Variants in MTAP observed in about 807,000 individuals in gnomAD.
MTAP encodes the protein methylthioadenosine phosphorylase.
Under a neutral mutation model 33.6 loss-of-function variants are expected in MTAP, and 33 were observed. That is an observed-to-expected ratio of 0.98 (90% CI 0.74 to 1.31). MTAP has a LOEUF of 1.31. Ranked by LOEUF, MTAP falls within the 40% of genes most tolerant of loss-of-function variation. The probability of loss-of-function intolerance (pLI) is 0.00; values close to 1 mark genes in which losing one functional copy is unlikely to be tolerated. For missense variants in MTAP, 367 were observed against 360.0 expected (o/e 1.02, Z -0.16); for synonymous variants, 148 against 125.7 (o/e 1.18, Z -1.19).
chr9:21,809,773 C>T (rs977970604), intron 1 of MTAP, among the ~76,000 whole-genome samples: 1 of 152,200 alleles, frequency 6.6e-6, no homozygotes, highest in African/African-American at 2.4e-5. Context: ...TCCCTGAGGC[C>T]TGGGCTTTGG....
rs541445471 is a variant in MTAP at position 21,845,270 on chromosome 9, A to G, written c.450+7260A>G. On this transcript the variant is annotated intron_variant, in intron 5 of 7. Transcript: ENST00000644715. ...CTGTTCACCAATGATATGATCGTAT[A>G]CCTAGAAAACCCTAAAGACTCATCC... Among the ~76,000 whole-genome samples the G allele has an allele frequency of 3.3e-5, 5 of 152,298 alleles. No homozygotes were observed. The South Asian group carries it at 1.0e-3, about 32-fold the overall frequency.
At chr9:21,854,975 T>C in intron 6 of MTAP, 105 bp downstream of exon 6, 2 of 1,450,754 alleles carry the variant, frequency 1.4e-6, no homozygotes, top group Non-Finnish European at 1.9e-6. Context: ...AGTGCCTTTC[T>C]ACAAGGTTTT....
At chr9:21,859,136 CA>C in intron 6 of MTAP, 166 bp from the exon 7 acceptor site, 1 of 940,166 alleles carries the variant, frequency 1.1e-6, no homozygotes, top group East Asian at 2.8e-5. Context: ...AATTGCCTCC[CA>C]AATGCCCAAC....
intron 1 of MTAP, among the ~76,000 whole-genome samples, chr9:21,806,430 A>T (rs1466003710): frequency 1.3e-5 from 2 of 152,030 alleles, no homozygotes; most frequent in East Asian, 3.9e-4. Flanking sequence ...GGAGCCAAGG[A>T]GGGTGAGTGT....
intron 1 of MTAP, among the ~76,000 whole-genome samples, chr9:21,923,435 C>T (rs1033219760): frequency 2.0e-5 from 3 of 152,118 alleles, no homozygotes; most frequent in African/African-American, 7.2e-5. Context: ...GGGCTCTTAT[C>T]CCAAGCTCCG....
At chr9:21,917,612 G>A (rs1818711808) in intron 1 of MTAP, among the ~76,000 whole-genome samples, 2 of 152,178 alleles carry the variant, frequency 1.3e-5, no homozygotes, top group Non-Finnish European at 1.5e-5. Flanking sequence ...CATGGATGTG[G>A]TGCAAAGGGA....
intron 1 of MTAP, among the ~76,000 whole-genome samples, chr9:21,926,895 C>T (rs1818878089): frequency 6.6e-6 from 1 of 152,184 alleles, no homozygotes; most frequent in Admixed American, 6.5e-5. Flanking sequence ...AGAATGGATA[C>T]AGGCCATCCT....
In MTAP at chr9:21,865,781, G is replaced by A. The variant is rs1439940952; in HGVS notation, c.*3767G>A. 1.5e-5 allele frequency: 16 copies of A among 1,032,500 alleles called. 1 individual carries two copies. The East Asian group carries it at 2.5e-4, about 16-fold the overall frequency. 64.0% of individuals were successfully genotyped at this position (1,032,500 alleles called of 1,614,324 possible). On this transcript the variant is annotated 3_prime_UTR_variant, in exon 8 of 8. Coordinates refer to ENST00000644715, the MANE Select transcript of MTAP (RefSeq NM_002451.4). ...GGAATTTCTTCAGAAAGACAATCTC[G>A]GCATGCATTATTTCTTTGTTTTGAA...
chr9:21,905,469 G>A (rs1818461194), intron 1 of MTAP, among the ~76,000 whole-genome samples: 1 of 151,494 alleles, frequency 6.6e-6, no homozygotes, highest in Non-Finnish European at 1.5e-5. Context: ...AATTAGTTAT[G>A]TTTCTCCCCT....
chr9:21,807,432 G>A (rs149353976), intron 1 of MTAP, among the ~76,000 whole-genome samples: 1 of 152,274 alleles, frequency 6.6e-6, no homozygotes, highest in East Asian at 1.9e-4. Flanking sequence ...AAAATCACAT[G>A]ACCAACAAGC....
chr9:21,823,780 G>T (rs1053536146), intron 4 of MTAP, among the ~76,000 whole-genome samples: 1 of 152,110 alleles, frequency 6.6e-6, no homozygotes, highest in Non-Finnish European at 1.5e-5. Flanking sequence ...TTTTCACATA[G>T]TCCCATATTT....
intron 1 of MTAP, among the ~76,000 whole-genome samples, chr9:21,889,308 CTTCT>C (rs1353657659): frequency 6.6e-6 from 1 of 151,886 alleles, no homozygotes; most frequent in Non-Finnish European, 1.5e-5. Context: ...ATTCTTTTAA[CTTCT>C]TTAAGTTAGT....
intron 1 of MTAP, among the ~76,000 whole-genome samples, chr9:21,881,245 A>G (rs1818006308): frequency 6.6e-6 from 1 of 152,100 alleles, no homozygotes; most frequent in South Asian, 2.1e-4. Context: ...ACCATACACA[A>G]AAATTAACTC....
rs541360955 is a variant in MTAP, at chr9:21,874,057, T to C, written c.147+19187T>C. Among the ~76,000 whole-genome samples, 55 of 152,344 alleles carry C rather than the reference T, an allele frequency of 3.6e-4. 1 individual carries two copies. The South Asian group carries it at 0.011, about 30-fold the overall frequency. The stretch of plus-strand genomic sequence containing the variant: ...GTGATGATGTGTTCATTAGCTGCTC[T>C]GTTTGACCTCACTTTAGTTTACGAA... On this transcript the variant is annotated intron_variant, in intron 1 of 1. Coordinates refer to the MTAP transcript ENST00000577563.
intron 5 of MTAP, among the ~76,000 whole-genome samples, chr9:21,840,307 C>CT (rs1241046234): frequency 1.3e-5 from 2 of 152,000 alleles, no homozygotes; most frequent in Non-Finnish European, 2.9e-5. Context: ...ACACTATGAT[C>CT]TTTTGTTCCA....
At chr9:21,882,388 T>C (rs1399360039) in intron 1 of MTAP, among the ~76,000 whole-genome samples, 1 of 152,034 alleles carries the variant, frequency 6.6e-6, no homozygotes, top group Non-Finnish European at 1.5e-5. Flanking sequence ...TGTAAAACAT[T>C]GTTCACATAA....
In MTAP at chr9:21,847,365, T is replaced by C. The variant is rs149447601; in HGVS notation, c.451-7266T>C. 2.2e-4 allele frequency among the ~76,000 whole-genome samples: 33 copies of C among 152,352 alleles called. No homozygotes were observed. The East Asian group carries it at 6.4e-3, about 29-fold the overall frequency. ...GGAGTGGTTCTAGAGGAACAGAATA[T>C]TAAGGATGGAGTTCTTTTATTGGTA... On this transcript the variant is annotated intron_variant, in intron 5 of 7. Coordinates refer to ENST00000644715, the MANE Select transcript of MTAP (RefSeq NM_002451.4).
chr9:21,846,024 C>A (rs952241679), intron 5 of MTAP, among the ~76,000 whole-genome samples: 51 of 152,044 alleles, frequency 3.4e-4, no homozygotes, highest in African/African-American at 1.2e-3. Context: ...GAAAGGACAC[C>A]CTATTTAACA....
At chr9:21,897,177 G>T (rs192024915) in intron 1 of MTAP, among the ~76,000 whole-genome samples, 2 of 152,050 alleles carry the variant, frequency 1.3e-5, no homozygotes, top group Admixed American at 1.3e-4. Context: ...ACAAAATTCA[G>T]CAGCCCTTCA....
Sources: allele counts gnomAD v4.1 joint callset (sites outside exome capture counted in the v4.1 genomes callset), GRCh38; gene constraint gnomAD v4.1.1; transcripts MANE v1.5; gene names NCBI Gene and HGNC (gene_info 2026-07-23, HGNC 2026-07-21).